SPPL3: variants seen among roughly 807,000 people sequenced by gnomAD.
The protein encoded by SPPL3 is signal peptide peptidase like 3.
Under a neutral mutation model 42.4 loss-of-function variants are expected in SPPL3, and 5 were observed. That is an observed-to-expected ratio of 0.12 (90% CI 0.06 to 0.25). The LOEUF (loss-of-function observed/expected upper bound fraction) is 0.25, where lower values mean the gene tolerates loss of function less well. SPPL3 is among the 10% of genes least tolerant of loss of function. The probability of loss-of-function intolerance (pLI) is 1.00; values close to 1 mark genes in which losing one functional copy is unlikely to be tolerated. For missense variants in SPPL3, 235 were observed against 489.0 expected, an observed-to-expected ratio of 0.48 and a Z score of 4.90; for synonymous variants, 195 against 181.8, an observed-to-expected ratio of 1.07 and a Z score of -0.58.
intron 1 of SPPL3, among the ~76,000 whole-genome samples, chr12:120,857,888 T>C (rs1156298490): frequency 6.6e-6 from 1 of 152,198 alleles, no homozygotes; most frequent in Admixed American, 6.5e-5. Context: ...CGGTGATGGG[T>C]TGACAGGTGC....
At chr12:120,771,896 T>A (rs543441753) in intron 6 of SPPL3, among the ~76,000 whole-genome samples, 3 of 152,362 alleles carry the variant, frequency 2.0e-5, no homozygotes, top group African/African-American at 7.2e-5. Context: ...CTGTGTTCTT[T>A]TCACGCTCTA....
At chr12:120,788,217 G>A (rs1869789661) in intron 3 of SPPL3, among the ~76,000 whole-genome samples, 1 of 152,170 alleles carries the variant, frequency 6.6e-6, no homozygotes, top group Non-Finnish European at 1.5e-5. Flanking sequence ...CTGGTGGTGG[G>A]CATGTAGTGC....
intron 1 of SPPL3, among the ~76,000 whole-genome samples, chr12:120,875,187 A>T (rs1444182076): frequency 1.3e-5 from 2 of 152,216 alleles, no homozygotes; most frequent in Admixed American, 6.5e-5. Context: ...CCCACAGACT[A>T]AATTGGCAAT....
chr12:120,782,227 A>T (rs1869569306), intron 6 of SPPL3, among the ~76,000 whole-genome samples: 1 of 152,262 alleles, frequency 6.6e-6, no homozygotes, highest in African/African-American at 2.4e-5. Flanking sequence ...TATTCAAAGA[A>T]GCATCATTCA....
intron 1 of SPPL3, among the ~76,000 whole-genome samples, chr12:120,870,974 A>C (rs915802392): frequency 1.4e-4 from 21 of 151,110 alleles, no homozygotes; most frequent in Non-Finnish European, 2.5e-4. Flanking sequence ...CTAAAACACA[A>C]AAAAAAACAG....
intron 1 of SPPL3, among the ~76,000 whole-genome samples, chr12:120,868,772 G>A (rs974947441): frequency 6.6e-6 from 1 of 152,138 alleles, no homozygotes; most frequent in African/African-American, 2.4e-5. Context: ...AAGCCACCAT[G>A]CCCGGCCAAT....
chr12:120,848,790 A>G (rs549218227), intron 1 of SPPL3, among the ~76,000 whole-genome samples: 1 of 152,326 alleles, frequency 6.6e-6, no homozygotes, highest in African/African-American at 2.4e-5. Flanking sequence ...ATAGCTCATT[A>G]TACCTAATGT....
intron 2 of SPPL3, among the ~76,000 whole-genome samples, chr12:120,803,863 T>G (rs1160273900): frequency 6.8e-6 from 1 of 147,582 alleles, no homozygotes; most frequent in East Asian, 2.0e-4. Flanking sequence ...GGACGAGTTA[T>G]GGAATGACAA....
intron 2 of SPPL3, among the ~76,000 whole-genome samples, chr12:120,797,583 G>A (rs1870147179): frequency 1.3e-5 from 2 of 152,094 alleles, no homozygotes; most frequent in South Asian, 2.1e-4. Flanking sequence ...AGTACAAGTG[G>A]CTCTAGGTAG....
intron 1 of SPPL3, among the ~76,000 whole-genome samples, chr12:120,840,046 C>T (rs928991352): frequency 4.0e-5 from 6 of 151,690 alleles, no homozygotes; most frequent in Non-Finnish European, 8.8e-5. Context: ...TTTGGGAGGC[C>T]GAGGCGGGTG....
chr12:120,820,187 C>A (rs1035644565), intron 1 of SPPL3, among the ~76,000 whole-genome samples: 1 of 151,780 alleles, frequency 6.6e-6, no homozygotes, highest in East Asian at 1.9e-4. Flanking sequence ...TTTTGCTATC[C>A]AAAATTTCAA....
chr12:120,775,155 T>A lies in SPPL3; in HGVS notation c.503-6096A>T, dbSNP rs199745703. 1.4e-4 allele frequency among the ~76,000 whole-genome samples: 21 copies of A among 152,192 alleles called. No individual in the cohort carries two copies. In the East Asian group the frequency reaches 3.5e-3, roughly 25 times the overall value. On this transcript the variant is annotated intron_variant, in intron 6 of 10. Coordinates refer to ENST00000353487, the MANE Select transcript of SPPL3 (RefSeq NM_139015.5). ...CGCACCAAGAGTGTAGCATTTTATT[T>A]ATTTATTTATTTAGAGGCAGAGTCT...
In SPPL3 at chr12:120,811,073, AT is replaced by A. The variant is rs1233129960; in HGVS notation, c.24-188del. ...TTTGCTAGTTTAACATGAAGAATAA[AT>A]TGGTAGGTTTACAGCTATTATTAGT... On this transcript the variant is annotated intron_variant, in intron 1 of 10. Coordinates refer to ENST00000353487, the MANE Select transcript of SPPL3 (RefSeq NM_139015.5). 1.5e-5 allele frequency: 7 copies of A among 480,926 alleles called. No individual in the cohort carries two copies. In the Admixed American group the frequency reaches 2.3e-4, roughly 16 times the overall value. The allele number at this position is 480,926 out of a possible 1,614,324, so 29.8% of individuals were successfully genotyped here.
intron 1 of SPPL3, among the ~76,000 whole-genome samples, chr12:120,813,687 G>A (rs1376531803): frequency 6.6e-6 from 1 of 151,700 alleles, no homozygotes; most frequent in African/African-American, 2.4e-5. Context: ...AAAATGAACT[G>A]GGGAGTCCAT....
At chr12:120,852,772 T>C (rs1872287821) in intron 1 of SPPL3, among the ~76,000 whole-genome samples, 1 of 140,182 alleles carries the variant, frequency 7.1e-6, no homozygotes, top group African/African-American at 2.6e-5. Context: ...ATGTATATTA[T>C]ATATAAAATA....
intron 1 of SPPL3, among the ~76,000 whole-genome samples, chr12:120,868,531 G>C (rs943172921): frequency 5.9e-5 from 9 of 151,872 alleles, no homozygotes; most frequent in African/African-American, 2.2e-4. Context: ...TCTGTCACTA[G>C]AGTGCAGTGG....
chr12:120,849,817 T>C (rs1042443443), intron 1 of SPPL3, among the ~76,000 whole-genome samples: 1 of 152,200 alleles, frequency 6.6e-6, no homozygotes, highest in African/African-American at 2.4e-5. Flanking sequence ...ACAATTCTCA[T>C]GTCCTCAGGC....
intron 1 of SPPL3, among the ~76,000 whole-genome samples, chr12:120,863,123 G>C (rs1424216842): frequency 6.6e-6 from 1 of 152,136 alleles, no homozygotes; most frequent in East Asian, 1.9e-4. Context: ...TGAGGTGGGT[G>C]GATCACCTGA....
intron 6 of SPPL3, among the ~76,000 whole-genome samples, chr12:120,774,298 T>A (rs1869230670): frequency 6.6e-6 from 1 of 152,210 alleles, no homozygotes; most frequent in African/African-American, 2.4e-5. Context: ...TCCCATGTAC[T>A]GTTCACTGCC....
Sources: allele counts gnomAD v4.1 joint callset (sites outside exome capture counted in the v4.1 genomes callset), GRCh38; gene constraint gnomAD v4.1.1; transcripts MANE v1.5; gene names NCBI Gene and HGNC (gene_info 2026-07-23, HGNC 2026-07-21).